The following NR2C2 variants were observed in gnomAD, a reference collection of about 807,000 sequenced individuals.
NR2C2 encodes the protein nuclear receptor subfamily 2 group C member 2.
NR2C2 carries 6 observed loss-of-function variants against 62.9 expected under a neutral mutation model. The observed-to-expected ratio is 0.10, with a 90% confidence interval of 0.05 to 0.19. The LOEUF is 0.19. Ranked by LOEUF, NR2C2 falls within the 10% of genes least tolerant of loss-of-function variation. The pLI is 1.00. For synonymous variants in NR2C2, 272 were observed against 273.8 expected (o/e 0.99, Z 0.07); for missense variants, 479 against 762.7 (o/e 0.63, Z 4.38).
intron 9 of NR2C2, among the ~76,000 whole-genome samples, chr3:15,031,097 C>T (rs1217089959): frequency 6.6e-6 from 1 of 152,176 alleles, no homozygotes; most frequent in Non-Finnish European, 1.5e-5. Context: ...CTGGCTGCCC[C>T]ATGGGCTCAG....
rs34788861 is a variant in NR2C2, at chr3:14,983,462, TACACACACACACACACACAC to T, written c.-39-20400_-39-20381del. Among the ~76,000 whole-genome samples the T allele has an allele frequency of 5.1e-4, 75 of 146,886 alleles. 1 individual carries two copies. The South Asian group carries it at 0.016, about 32-fold the overall frequency. ...AGGTTAATCTGGATTATACTCTTTA[TACACACACACACACACACAC>T]ACACACACACACATTCTTAGTTTGC... On this transcript the variant is annotated intron_variant, in intron 1 of 13. Transcript: ENST00000425241.
chr3:15,021,610 AGGAGAGT>A (rs2041669158), intron 5 of NR2C2, among the ~76,000 whole-genome samples: 1 of 152,210 alleles, frequency 6.6e-6, no homozygotes, highest in Admixed American at 6.5e-5. Context: ...AAGAAATCCA[AGGAGAGT>A]GGAGTTAGGC....
intron 1 of NR2C2, among the ~76,000 whole-genome samples, chr3:14,983,756 G>T (rs115781220): frequency 6.6e-6 from 1 of 151,850 alleles, no homozygotes; most frequent in African/African-American, 2.4e-5. Flanking sequence ...AAGACTATTC[G>T]GATTTTTTAG....
At chr3:15,021,129 G>A (rs1395830738) in intron 5 of NR2C2, among the ~76,000 whole-genome samples, 197 bp downstream of exon 5, 1 of 152,200 alleles carries the variant, frequency 6.6e-6, no homozygotes, top group African/African-American at 2.4e-5. Flanking sequence ...TTCCTGCTGT[G>A]TGTGTGGAAA....
At chr3:15,009,896 T>A (rs1234999109) in intron 2 of NR2C2, among the ~76,000 whole-genome samples, 2 of 152,236 alleles carry the variant, frequency 1.3e-5, no homozygotes, top group African/African-American at 4.8e-5. Context: ...CATTCCTCGC[T>A]TGCTTGCAGC....
rs983751111 is a variant in NR2C2 at position 15,006,924 on chromosome 3, C to T, written c.72+2938C>T. Among the ~76,000 whole-genome samples the T allele has an allele frequency of 1.1e-4, 16 of 151,602 alleles. No homozygotes were observed. The East Asian group carries it at 2.9e-3, about 28-fold the overall frequency. Reference sequence around the variant, plus strand: ...CCAAATAGCTGGGATTACAGACATGCGCCACCACGCCAGGCTAATTTTGTA... The same window carrying T: ...CCAAATAGCTGGGATTACAGACATGTGCCACCACGCCAGGCTAATTTTGTA... On this transcript the variant is annotated intron_variant, in intron 2 of 13. Transcript: ENST00000425241.
intron 1 of NR2C2, among the ~76,000 whole-genome samples, chr3:14,989,496 A>G (rs1023668175): frequency 6.6e-6 from 1 of 152,100 alleles, no homozygotes; most frequent in Non-Finnish European, 1.5e-5. Flanking sequence ...AAGACCTCCT[A>G]TCTTTAAGAA....
At chr3:14,948,451 A>C (rs1351238124) in intron 1 of NR2C2, 1 of 152,256 alleles carries the variant, frequency 6.6e-6, no homozygotes, top group Non-Finnish European at 1.5e-5. Context: ...TGGCGCCCAG[A>C]TAGGAGGGCC....
intron 1 of NR2C2, among the ~76,000 whole-genome samples, chr3:14,988,016 G>C (rs1265789664): frequency 6.6e-6 from 1 of 152,188 alleles, no homozygotes; most frequent in Non-Finnish European, 1.5e-5. Context: ...CATATAAATT[G>C]CTTTTGATCT....
At chr3:15,019,104 T>C (rs2041599570) in intron 4 of NR2C2, among the ~76,000 whole-genome samples, 1 of 148,514 alleles carries the variant, frequency 6.7e-6, no homozygotes. Context: ...TGCACACCTA[T>C]AATTCCAGCT....
At chr3:15,003,382 C>T (rs2041077466) in intron 1 of NR2C2, among the ~76,000 whole-genome samples, 1 of 152,144 alleles carries the variant, frequency 6.6e-6, no homozygotes, top group Non-Finnish European at 1.5e-5. Context: ...ACAGGCTTTT[C>T]CCAGCTCCAT....
intron 1 of NR2C2, among the ~76,000 whole-genome samples, chr3:14,970,448 C>T (rs2040003626): frequency 6.6e-6 from 1 of 152,054 alleles, no homozygotes; most frequent in Admixed American, 6.6e-5. Flanking sequence ...TTCTTCTTTC[C>T]AGACTGAAAC....
At chr3:14,950,505 C>T in intron 1 of NR2C2, among the ~76,000 whole-genome samples, 1 of 151,012 alleles carries the variant, frequency 6.6e-6, no homozygotes. Flanking sequence ...ACTTCCTTGA[C>T]CAGTGTAGCT....
In NR2C2 at chr3:15,004,978, C is replaced by G. The variant is rs148974212; in HGVS notation, c.72+992C>G. Reference sequence around the variant, plus strand: ...ATGTTGCCCAGGCTGGTCTTGAACTCCTGACCTCAAGTGATACTCCTGCCT... The same window carrying G: ...ATGTTGCCCAGGCTGGTCTTGAACTGCTGACCTCAAGTGATACTCCTGCCT... On this transcript the variant is annotated intron_variant, in intron 2 of 13. Coordinates refer to ENST00000425241, the MANE Select transcript of NR2C2 (RefSeq NM_001291694.2). Among the ~76,000 whole-genome samples, 129 of 151,816 alleles carry G rather than the reference C, an allele frequency of 8.5e-4. 1 individual carries two copies. Among genetic ancestry groups the G allele is most frequent in the African/African-American group, 2.8e-3 (117 of 41,378 alleles).
chr3:15,025,901 T>G (rs1484841543), intron 7 of NR2C2: 1 of 152,266 alleles, frequency 6.6e-6, no homozygotes, highest in Non-Finnish European at 1.5e-5. Context: ...CTGTTGTGAT[T>G]TAATCATTTC....
At chr3:15,037,212 TGTGTGTGTGTGTGTGTG>T (rs2042129835) in intron 11 of NR2C2, among the ~76,000 whole-genome samples, 4 of 139,226 alleles carry the variant, frequency 2.9e-5, no homozygotes, top group Non-Finnish European at 3.1e-5. Context: ...TTTTTGTTTG[TGTGTGTGTGTGTGTGTG>T]TGTGTGTGTG....
chr3:15,041,024 C>T (rs1242353980), intron 13 of NR2C2, among the ~76,000 whole-genome samples: 3 of 152,144 alleles, frequency 2.0e-5, no homozygotes, highest in African/African-American at 7.2e-5. Context: ...CTGAAAACAT[C>T]ATGAGTCACT....
intron 1 of NR2C2, among the ~76,000 whole-genome samples, chr3:14,963,198 G>A (rs2039737037): frequency 6.6e-6 from 1 of 152,204 alleles, no homozygotes; most frequent in Non-Finnish European, 1.5e-5. Flanking sequence ...GCATGGTAAA[G>A]CTAAAACACT....
At chr3:15,029,848 T>TAGATAGATAGATAGATATAGATAGAC (rs1553571974) in intron 8 of NR2C2, among the ~76,000 whole-genome samples, 2 of 145,202 alleles carry the variant, frequency 1.4e-5, no homozygotes, top group Non-Finnish European at 3.0e-5. Context: ...TAGATATAGA[T>TAGATAGATAGATAGATATAGATAGAC]AGACCCCATC....
Sources: gnomAD v4.1 joint callset for allele counts (sites outside exome capture counted in the v4.1 genomes callset) on GRCh38, gnomAD v4.1.1 for gene constraint, MANE v1.5 for transcripts, NCBI Gene and HGNC (gene_info 2026-07-23, HGNC 2026-07-21) for gene names.